GPC6: variants seen among roughly 807,000 people sequenced by gnomAD.
GPC6 encodes glypican 6.
In GPC6, 14 loss-of-function variants were observed where a neutral mutation model predicts 55.2. The ratio of observed to expected loss-of-function variants is 0.25; its 90% CI spans 0.17 to 0.40. GPC6 has a LOEUF of 0.40. Among genes scored for constraint, GPC6 ranks in the 10% least tolerant of loss-of-function variants. The probability of loss-of-function intolerance (pLI) is 1.00; values close to 1 mark genes in which losing one functional copy is unlikely to be tolerated. For synonymous variants in GPC6, 278 were observed against 259.6 expected, an observed-to-expected ratio of 1.07 and a Z score of -0.68; for missense variants, 641 against 708.5, an observed-to-expected ratio of 0.90 and a Z score of 1.08.
At chr13:93,820,754 ACTC>A (rs1887017912) in intron 2 of GPC6, among the ~76,000 whole-genome samples, 2 of 151,196 alleles carry the variant, frequency 1.3e-5, no homozygotes, top group African/African-American at 4.9e-5. Flanking sequence ...GTCTCCTGGG[ACTC>A]ATTAGACTAC....
chr13:93,714,644 T>C (rs1022518609), intron 2 of GPC6, among the ~76,000 whole-genome samples: 6 of 151,374 alleles, frequency 4.0e-5, no homozygotes, highest in Admixed American at 2.6e-4. Flanking sequence ...CTTGAGGGGG[T>C]CATGGGAGAT....
At chr13:94,189,248 C>T (rs1271079010) in intron 4 of GPC6, among the ~76,000 whole-genome samples, 1 of 152,040 alleles carries the variant, frequency 6.6e-6, no homozygotes, top group African/African-American at 2.4e-5. Flanking sequence ...TCTTTCTCTC[C>T]TCTGTACAAA....
intron 2 of GPC6, among the ~76,000 whole-genome samples, chr13:93,600,286 A>C (rs1877952744): frequency 6.6e-6 from 1 of 152,218 alleles, no homozygotes; most frequent in South Asian, 2.1e-4. Flanking sequence ...CAAGATGCTA[A>C]GTAATTAATG....
chr13:93,416,433 T>C (rs1163023700), intron 1 of GPC6, among the ~76,000 whole-genome samples: 4 of 152,090 alleles, frequency 2.6e-5, no homozygotes, highest in Non-Finnish European at 5.9e-5. Flanking sequence ...AGTAGGTATA[T>C]ATATTTATGG....
chr13:93,313,941 G>A (rs754364234), intron 1 of GPC6, among the ~76,000 whole-genome samples: 1 of 152,080 alleles, frequency 6.6e-6, no homozygotes, highest in Non-Finnish European at 1.5e-5. Flanking sequence ...TCTGTATCAG[G>A]CACATATGTT....
chr13:93,249,739 C>T (rs1876720203), intron 1 of GPC6, among the ~76,000 whole-genome samples: 1 of 152,214 alleles, frequency 6.6e-6, no homozygotes, highest in South Asian at 2.1e-4. Flanking sequence ...CATCATTCCT[C>T]ACTCCAGGAA....
chr13:94,074,896 A>T (rs1035703893), intron 4 of GPC6, among the ~76,000 whole-genome samples: 5 of 152,196 alleles, frequency 3.3e-5, no homozygotes, highest in Admixed American at 6.5e-5. Context: ...GTCAATTAAC[A>T]TGAGGGAAAA....
At chr13:93,930,445 A>AT (rs1358549330) in intron 3 of GPC6, among the ~76,000 whole-genome samples, 2 of 151,370 alleles carry the variant, frequency 1.3e-5, no homozygotes, top group African/African-American at 4.9e-5. Context: ...CTAATTTTGT[A>AT]TTTTTTTATT....
At chr13:93,933,437 C>G (rs1878282560) in intron 3 of GPC6, among the ~76,000 whole-genome samples, 1 of 152,118 alleles carries the variant, frequency 6.6e-6, no homozygotes, top group African/African-American at 2.4e-5. Flanking sequence ...ATCCAACTGC[C>G]TAGCTTTAAA....
intron 5 of GPC6, among the ~76,000 whole-genome samples, chr13:94,304,357 T>C (rs1875828223): frequency 6.6e-6 from 1 of 152,212 alleles, no homozygotes; most frequent in Non-Finnish European, 1.5e-5. Flanking sequence ...GAATTTGTCA[T>C]TGTGAATGGC....
chr13:93,966,453 G>C (rs953507977), intron 3 of GPC6, among the ~76,000 whole-genome samples: 2 of 152,064 alleles, frequency 1.3e-5, no homozygotes, highest in Admixed American at 1.3e-4. Context: ...ACCTCTGTTG[G>C]GTAACTCACT....
intron 1 of GPC6, among the ~76,000 whole-genome samples, chr13:93,434,863 T>C (rs1315308381): frequency 6.6e-6 from 1 of 152,080 alleles, no homozygotes; most frequent in Non-Finnish European, 1.5e-5. Context: ...TGCACCACCA[T>C]GCCCAGTTCA....
chr13:93,678,801 A>T (rs1340178428), intron 2 of GPC6, among the ~76,000 whole-genome samples: 3 of 152,106 alleles, frequency 2.0e-5, no homozygotes, highest in Admixed American at 2.0e-4. Context: ...GAAGCTAGGA[A>T]ATTTTCTGTA....
chr13:93,359,256 G>A (rs892733494), intron 1 of GPC6, among the ~76,000 whole-genome samples: 6 of 151,944 alleles, frequency 3.9e-5, no homozygotes, highest in East Asian at 1.9e-4. Context: ...ATGAGCCACC[G>A]CACCCAACCT....
intron 1 of GPC6, among the ~76,000 whole-genome samples, chr13:93,441,029 A>C (rs1255214362): frequency 1.3e-5 from 2 of 152,086 alleles, no homozygotes; most frequent in South Asian, 2.1e-4. Flanking sequence ...TGAACTCATC[A>C]TTTTTTATGG....
intron 3 of GPC6, among the ~76,000 whole-genome samples, chr13:93,995,875 C>T (rs1881528638): frequency 6.6e-6 from 1 of 152,024 alleles, no homozygotes; most frequent in Non-Finnish European, 1.5e-5. Flanking sequence ...TAAAAATTGC[C>T]CCTTTGGAAA....
intron 2 of GPC6, among the ~76,000 whole-genome samples, chr13:93,579,904 A>G (rs1024596912): frequency 6.6e-6 from 1 of 152,136 alleles, no homozygotes; most frequent in African/African-American, 2.4e-5. Context: ...ATAGACCCCT[A>G]AAAAGCTTTG....
At chr13:93,605,842 TAAAAAA>T (rs1193693750) in intron 2 of GPC6, among the ~76,000 whole-genome samples, 3 of 65,898 alleles carry the variant, frequency 4.6e-5, no homozygotes, top group Admixed American at 1.9e-4. Flanking sequence ...ACCGTCTCAA[TAAAAAA>T]AAAAAAAAAA....
At chr13:93,538,241 A>G (rs558972281) in intron 1 of GPC6, among the ~76,000 whole-genome samples, 53 of 152,316 alleles carry the variant, frequency 3.5e-4, no homozygotes, top group Non-Finnish European at 6.3e-4. Context: ...GTAGTAGTAG[A>G]TAAAAATTTC....
Sources: gnomAD v4.1 joint callset for allele counts (sites outside exome capture counted in the v4.1 genomes callset) on GRCh38, gnomAD v4.1.1 for gene constraint, MANE v1.5 for transcripts, NCBI Gene and HGNC (gene_info 2026-07-23, HGNC 2026-07-21) for gene names.